The following RFTN1 variants were observed in gnomAD, a reference collection of about 807,000 sequenced individuals.
RFTN1 encodes raftlin, lipid raft linker 1.
Under a neutral mutation model 46.5 loss-of-function variants are expected in RFTN1, and 26 were observed. That is an observed-to-expected ratio of 0.56 (90% CI 0.41 to 0.78). The LOEUF (loss-of-function observed/expected upper bound fraction) is 0.78. Among genes scored for constraint, RFTN1 ranks in the 30% least tolerant of loss-of-function variants. The pLI is 0.00. For missense variants in RFTN1, 693 were observed against 718.7 expected, an observed-to-expected ratio of 0.96 and a Z score of 0.41; for synonymous variants, 261 against 284.2, an observed-to-expected ratio of 0.92 and a Z score of 0.82.
Position 16,489,234 on chromosome 3 carries a change from A to G in RFTN1, c.145+4491T>C, listed in dbSNP as rs1242901496. On this transcript the variant is annotated intron_variant, in intron 2 of 9. Coordinates refer to ENST00000334133, the MANE Select transcript of RFTN1 (RefSeq NM_015150.2). The surrounding 1 kb of genome is among the most constrained non-coding windows in gnomAD (Gnocchi z 4.0). ...GGAGTTCGAGACCAGCCTGGCCAAC[A>G]TGGCAAAAGCCTGTGTCTACTAAAA... Among the ~76,000 whole-genome samples the G allele has an allele frequency of 1.3e-5, 2 of 152,184 alleles. No homozygotes were observed. The highest frequency in any genetic ancestry group is 2.9e-5 in the Non-Finnish European group (2 of 68,032).
rs989706911 is a variant in RFTN1, at chr3:16,448,224, A to C, written c.146-14187T>G. Among the ~76,000 whole-genome samples the C allele has an allele frequency of 6.6e-6, 1 of 152,190 alleles. No homozygotes were observed. Among genetic ancestry groups the C allele is most frequent in the Non-Finnish European group, 1.5e-5 (1 of 68,036 alleles). ...TTAAATAAAATATATCATGAAAATTAACTTGCCTGTTTTTATTTTTTAATG... is the reference window on the plus strand; with the variant it reads ...TTAAATAAAATATATCATGAAAATTCACTTGCCTGTTTTTATTTTTTAATG... On this transcript the variant is annotated intron_variant, in intron 2 of 9. Transcript: ENST00000334133. This position sits in a 1 kb window ranked among gnomAD's most constrained non-coding sequence, Gnocchi z 4.1.
intron 3 of RFTN1, among the ~76,000 whole-genome samples, chr3:16,419,851 C>T (rs1452639580): frequency 2.6e-5 from 4 of 152,264 alleles, no homozygotes; most frequent in Admixed American, 6.5e-5. Context: ...TTCCCTTCCC[C>T]TTCTAGCAGA....
chr3:16,403,805 T>A (rs1408657760), intron 4 of RFTN1, among the ~76,000 whole-genome samples: 3 of 6,906 alleles, frequency 4.3e-4, no homozygotes, highest in African/African-American at 2.4e-3. Context: ...ATAATATATA[T>A]TATATATTTT....
chr3:16,493,775 A>G lies in RFTN1; in HGVS notation c.95T>C (p.Ile32Thr), dbSNP rs750556305. Residue 32 changes from isoleucine (I) to threonine (T), a missense_variant, in exon 2 of 10, where the codon ATA (isoleucine) becomes ACA (threonine). By Grantham distance (89) the Ile-to-Thr change is moderately conservative. Transcript: ENST00000334133. ...TLKRPQVETK[I>T]DVSYEYRFLE... ...GAAGCGGTATTCATAGGACACATCT[A>G]TCTTGGTTTCCACCTGAGGCCTCTT... 2.5e-6 allele frequency: 4 copies of G among 1,613,736 alleles called. No individual in the cohort carries two copies. Among genetic ancestry groups the G allele is most frequent in the Admixed American group, 1.7e-5 (1 of 59,972 alleles).
chr3:16,335,122 G>A lies in RFTN1; in HGVS notation c.1147-8246C>T, dbSNP rs536580977. Among the ~76,000 whole-genome samples, 2 of 152,316 alleles carry A rather than the reference G, an allele frequency of 1.3e-5. No homozygotes were observed. The highest frequency in any genetic ancestry group is 1.9e-4 in the East Asian group (1 of 5,186). On this transcript the variant is annotated intron_variant, in intron 7 of 9. Coordinates refer to ENST00000334133, the MANE Select transcript of RFTN1 (RefSeq NM_015150.2). The surrounding 1 kb of genome is among the most constrained non-coding windows in gnomAD (Gnocchi z 4.7). ...AACAAATGTAAGACAATAAACTTGC[G>A]TTGTTTTAAGTCACTAAATCTGTGA...
intron 4 of RFTN1, among the ~76,000 whole-genome samples, chr3:16,389,943 A>C (rs1487017635): frequency 6.6e-6 from 1 of 152,192 alleles, no homozygotes; most frequent in Admixed American, 6.5e-5. Context: ...GCTTGCTCTT[A>C]GAACCTAGCT....
chr3:16,379,485 T>C (rs2073907259), intron 4 of RFTN1, among the ~76,000 whole-genome samples: 1 of 152,212 alleles, frequency 6.6e-6, no homozygotes, highest in Non-Finnish European at 1.5e-5. Flanking sequence ...ATTGTCTCCA[T>C]TTCAGATGAG....
At chr3:16,403,710 AATATATAATAT>A (rs1420445838) in intron 4 of RFTN1, among the ~76,000 whole-genome samples, 1 of 26,068 alleles carries the variant, frequency 3.8e-5, no homozygotes, top group Non-Finnish European at 6.5e-5. Context: ...TTATGTATAT[AATATATAATAT>A]ATATATTATA....
Position 16,317,259 on chromosome 3 carries a change from A to G in RFTN1, c.1333-27T>C. 1 of 1,606,506 alleles carries G rather than the reference A, an allele frequency of 6.2e-7. No individual in the cohort carries two copies. The highest frequency in any genetic ancestry group is 8.5e-7 in the Non-Finnish European group (1 of 1,179,396). On this transcript the variant is annotated intron_variant, in intron 9 of 9. Coordinates refer to ENST00000334133, the MANE Select transcript of RFTN1 (RefSeq NM_015150.2). The surrounding 1 kb of genome is among the most constrained non-coding windows in gnomAD (Gnocchi z 4.3). Reference sequence around the variant, plus strand: ...TAGAAATCAGAAAGGATGGGGATAAATAACAAGCCTCCGGGAACCCAGAGC... The same window carrying G: ...TAGAAATCAGAAAGGATGGGGATAAGTAACAAGCCTCCGGGAACCCAGAGC...
At chr3:16,343,188 G>A (rs1270215791) in intron 7 of RFTN1, among the ~76,000 whole-genome samples, 1 of 152,144 alleles carries the variant, frequency 6.6e-6, no homozygotes, top group East Asian at 1.9e-4. Flanking sequence ...GGACTAGCAA[G>A]GTTTGGGAAC....
At chr3:16,434,793 T>C (rs1172633757) in intron 2 of RFTN1, 1 of 152,106 alleles carries the variant, frequency 6.6e-6, no homozygotes, top group East Asian at 1.9e-4. Context: ...CTGTGACCCT[T>C]AAGACAAAGG....
chr3:16,323,535 T>A, intron 8 of RFTN1, 78 bp from the exon 9 acceptor site: 1 of 1,024,620 alleles, frequency 9.8e-7, no homozygotes, highest in Non-Finnish European at 1.5e-6. Flanking sequence ...TTGCCATCCC[T>A]AATTTCATCA....
chr3:16,510,348 G>T (rs1361682531), intron 1 of RFTN1, among the ~76,000 whole-genome samples: 1 of 152,142 alleles, frequency 6.6e-6, no homozygotes, highest in African/African-American at 2.4e-5. Context: ...AAATTCTGTG[G>T]GGCTTGGGGT....
chr3:16,387,570 T>TTCTCTCTCTCTCTCTCTCTC lies in RFTN1; in HGVS notation c.442-9488_442-9469dup, dbSNP rs3054539. Among the ~76,000 whole-genome samples the TTCTCTCTCTCTCTCTCTCTC allele has an allele frequency of 9.4e-3, 1,097 of 116,400 alleles. 76 individuals are homozygous for TTCTCTCTCTCTCTCTCTCTC. Among genetic ancestry groups the TTCTCTCTCTCTCTCTCTCTC allele is most frequent in the South Asian group, 0.015 (54 of 3,566 alleles). 76.4% of individuals were successfully genotyped at this position (116,400 alleles called of 152,430 possible). A position where few individuals can be genotyped will look rare whatever the true frequency, so the allele number is the denominator to read the frequency against. ...CACTTCTCTCTTCTATATCCTCAATTTCTCTCTCTCTCTCTCTCTCTCTCT... is the reference window on the plus strand; with the variant it reads ...CACTTCTCTCTTCTATATCCTCAATTTCTCTCTCTCTCTCTCTCTCTCTCTCTCTCTCTCTCTCTCTCTCT... On this transcript the variant is annotated intron_variant, in intron 4 of 9. Coordinates refer to ENST00000334133, the MANE Select transcript of RFTN1 (RefSeq NM_015150.2). The surrounding 1 kb of genome is among the most constrained non-coding windows in gnomAD (Gnocchi z 5.2).
At chr3:16,490,581 C>G (rs1370675229) in intron 2 of RFTN1, among the ~76,000 whole-genome samples, 3 of 152,236 alleles carry the variant, frequency 2.0e-5, no homozygotes, top group Non-Finnish European at 4.4e-5. Context: ...TTTACACAAG[C>G]AGGTCCTATC....
At position 16,413,115 on chromosome 3, in the gene RFTN1, G is replaced by T. The variant is rs551086901; in HGVS notation, c.333-3632C>A. Among the ~76,000 whole-genome samples the T allele has an allele frequency of 2.2e-4, 33 of 152,322 alleles. No homozygotes were observed. The highest frequency in any genetic ancestry group is 7.7e-4 in the African/African-American group (32 of 41,570). ...GCATAGAAAACTAATACCAAAAAAA[G>T]AAAACAGAAAACTAACACAGTTCCT... On this transcript the variant is annotated intron_variant, in intron 3 of 9. Coordinates refer to ENST00000334133, the MANE Select transcript of RFTN1 (RefSeq NM_015150.2). The surrounding 1 kb of genome is among the most constrained non-coding windows in gnomAD (Gnocchi z 4.7).
Position 16,395,774 on chromosome 3 carries a change from C to T in RFTN1, c.441+13601G>A, listed in dbSNP as rs117244900. Among the ~76,000 whole-genome samples, 2,341 of 152,176 alleles carry T rather than the reference C, an allele frequency of 0.015. 149 individuals carry two copies. The East Asian group carries it at 0.16, about 11-fold the overall frequency. ...TACAACTTTACTTTGTAGAATATTT[C>T]GCTTCAATTATTGAAAAGTTAGCAT... On this transcript the variant is annotated intron_variant, in intron 4 of 9. Transcript: ENST00000334133.
At position 16,317,316 on chromosome 3, in the gene RFTN1, A is replaced by G. The variant is rs2068515008; in HGVS notation, c.1333-84T>C. ...CAAAGCCTTGTTTGCATTCATACCCACACCATGTCTGAGTGAGACATACAA... is the reference window on the plus strand; with the variant it reads ...CAAAGCCTTGTTTGCATTCATACCCGCACCATGTCTGAGTGAGACATACAA... On this transcript the variant is annotated intron_variant, in intron 9 of 9. Transcript: ENST00000334133. The surrounding 1 kb of genome is among the most constrained non-coding windows in gnomAD (Gnocchi z 4.3). 1.4e-6 allele frequency: 2 copies of G among 1,411,534 alleles called. No individual in the cohort carries two copies. Among genetic ancestry groups the G allele is most frequent in the East Asian group, 2.3e-5 (1 of 42,970 alleles). 87.4% of individuals were successfully genotyped at this position (1,411,534 alleles called of 1,614,324 possible).
chr3:16,499,963 T>G lies in RFTN1; in HGVS notation c.-8-6086A>C, dbSNP rs571346769. Among the ~76,000 whole-genome samples the G allele has an allele frequency of 1.6e-4, 24 of 152,312 alleles. No individual in the cohort carries two copies. Among genetic ancestry groups the G allele is most frequent in the African/African-American group, 5.8e-4 (24 of 41,574 alleles). On this transcript the variant is annotated intron_variant, in intron 1 of 9. Coordinates refer to ENST00000334133, the MANE Select transcript of RFTN1 (RefSeq NM_015150.2). The surrounding 1 kb of genome is among the most constrained non-coding windows in gnomAD (Gnocchi z 4.9). ...ATGAAAAAATGCTTCTCTTTACACA[T>G]GTAGGATGTCCAGATACTGCCGCCA...
Sources: allele counts gnomAD v4.1 joint callset (sites outside exome capture counted in the v4.1 genomes callset), GRCh38; gene constraint gnomAD v4.1.1; non-coding constraint Gnocchi (gnomAD v3.1); transcripts MANE v1.5; gene names NCBI Gene and HGNC (gene_info 2026-07-23, HGNC 2026-07-21).